NAALADL2: variants seen among roughly 807,000 people sequenced by gnomAD.
NAALADL2 encodes the protein inactive N-acetylated-alpha-linked acidic dipeptidase-like protein 2.
NAALADL2 carries 76 observed loss-of-function variants against 87.2 expected under a neutral mutation model. The ratio of observed to expected loss-of-function variants is 0.87; its 90% CI spans 0.72 to 1.05. The LOEUF (loss-of-function observed/expected upper bound fraction) is 1.05, where lower values mean the gene tolerates loss of function less well. Among genes scored for constraint, NAALADL2 ranks in the 50% least tolerant of loss-of-function variants. NAALADL2 has a pLI of 0.00. For synonymous variants in NAALADL2, 354 were observed against 331.0 expected, an observed-to-expected ratio of 1.07 and a Z score of -0.75; for missense variants, 1,089 against 945.8, an observed-to-expected ratio of 1.15 and a Z score of -1.99.
intron 2 of NAALADL2, among the ~76,000 whole-genome samples, chr3:175,164,947 TTTG>T (rs1347572903): frequency 6.6e-6 from 1 of 152,126 alleles, no homozygotes; most frequent in Admixed American, 6.6e-5. Context: ...GCCCCATATC[TTTG>T]AATGGAACTA....
At chr3:174,994,564 T>C (rs1747176716) in intron 1 of NAALADL2, among the ~76,000 whole-genome samples, 1 of 152,224 alleles carries the variant, frequency 6.6e-6, no homozygotes, top group Admixed American at 6.5e-5. Context: ...TAGCATTGTA[T>C]GTCTTGTTGC....
intron 2 of NAALADL2, among the ~76,000 whole-genome samples, chr3:175,115,983 A>G (rs530528166): frequency 6.6e-6 from 1 of 151,958 alleles, no homozygotes; most frequent in African/African-American, 2.4e-5. Context: ...AAAGACAAAA[A>G]CCACATGTTT....
At chr3:174,786,904 A>G (rs1014987554) in intron 3 of NAALADL2, among the ~76,000 whole-genome samples, 4 of 152,148 alleles carry the variant, frequency 2.6e-5, no homozygotes, top group African/African-American at 9.7e-5. Context: ...ATATTCTGAT[A>G]TGAAGTTAGA....
intron 9 of NAALADL2, among the ~76,000 whole-genome samples, chr3:175,567,202 T>C: frequency 6.6e-6 from 1 of 152,110 alleles, no homozygotes; most frequent in South Asian, 2.1e-4. Flanking sequence ...AAGTCTTAAG[T>C]GGAGAGAGAA....
rs181943843 is a variant in NAALADL2, at chr3:175,404,376, A to C, written c.1091-42853A>C. Among the ~76,000 whole-genome samples, 523 of 152,224 alleles carry C rather than the reference A, an allele frequency of 3.4e-3. 3 individuals carry two copies. The highest frequency in any genetic ancestry group is 0.012 in the African/African-American group (502 of 41,552). ...ACAGAATATAATAATTTGCTAATGA[A>C]AGTGCCCTATAATCACCAAATAACT... is the stretch of plus-strand genomic sequence containing the variant. On this transcript the variant is annotated intron_variant, in intron 5 of 13. Coordinates refer to ENST00000454872, the MANE Select transcript of NAALADL2 (RefSeq NM_207015.3).
chr3:174,962,252 T>A (rs958926646), intron 1 of NAALADL2, among the ~76,000 whole-genome samples: 1 of 151,058 alleles, frequency 6.6e-6, no homozygotes, highest in African/African-American at 2.4e-5. Context: ...CTATCCTGAA[T>A]CAGAACCACC....
chr3:175,487,388 T>C (rs1727441684), intron 9 of NAALADL2: 1 of 395,526 alleles, frequency 2.5e-6, no homozygotes, highest in Non-Finnish European at 5.0e-6. Flanking sequence ...TTTTGTACTC[T>C]GATGTATTCC....
Position 174,618,957 on chromosome 3 carries a change from C to G in NAALADL2, c.-115+68320C>G, listed in dbSNP as rs796302541. On this transcript the variant is annotated intron_variant, in intron 2 of 3. Coordinates refer to the NAALADL2 transcript ENST00000434257. ...TTTGAGGCTAAAATAGGTACATGAA[C>G]CTTTCAATGGTTGTGACAGAAAGTT... is the stretch of plus-strand genomic sequence containing the variant. Among the ~76,000 whole-genome samples, 14 of 151,938 alleles carry G rather than the reference C, an allele frequency of 9.2e-5. No homozygotes were observed. The East Asian group carries it at 1.9e-3, about 21-fold the overall frequency.
At chr3:175,324,586 T>C (rs546869471) in intron 5 of NAALADL2, among the ~76,000 whole-genome samples, 2 of 152,218 alleles carry the variant, frequency 1.3e-5, no homozygotes, top group Non-Finnish European at 1.5e-5. Flanking sequence ...TTTTATGTGT[T>C]ATTGTTGATT....
chr3:174,966,305 G>A (rs981061507), intron 1 of NAALADL2, among the ~76,000 whole-genome samples: 6 of 152,042 alleles, frequency 3.9e-5, no homozygotes, highest in African/African-American at 1.4e-4. Context: ...CCCCAATGAT[G>A]GCAAACCACA....
intron 1 of NAALADL2, chr3:174,864,195 T>C (rs1726857913): frequency 2.8e-6 from 1 of 362,812 alleles, no homozygotes; most frequent in South Asian, 2.0e-5. Flanking sequence ...CAAAAGAGAT[T>C]AGGAAAACAA....
chr3:174,917,262 C>T (rs1351932817), intron 1 of NAALADL2, among the ~76,000 whole-genome samples: 1 of 152,072 alleles, frequency 6.6e-6, no homozygotes, highest in African/African-American at 2.4e-5. Context: ...CTTAACTGAT[C>T]ATGAATTTGT....
chr3:175,192,895 A>AT (rs1280169547), intron 2 of NAALADL2, among the ~76,000 whole-genome samples: 5 of 152,090 alleles, frequency 3.3e-5, no homozygotes, highest in East Asian at 1.9e-4. Flanking sequence ...CCACAATATG[A>AT]TAAAAAAAAC....
intron 3 of NAALADL2, among the ~76,000 whole-genome samples, chr3:175,255,124 TAG>T (rs1749701758): frequency 6.6e-6 from 1 of 151,076 alleles, no homozygotes; most frequent in Admixed American, 6.6e-5. Flanking sequence ...GGAGCCAAAG[TAG>T]AGAGAGGCCA....
In NAALADL2 at chr3:174,610,045, G is replaced by C. The variant is rs576044243; in HGVS notation, c.-115+59408G>C. Among the ~76,000 whole-genome samples the C allele has an allele frequency of 6.6e-5, 10 of 152,028 alleles. 1 individual carries two copies. In the East Asian group the frequency reaches 1.6e-3, roughly 24 times the overall value. On this transcript the variant is annotated intron_variant, in intron 2 of 3. Transcript: ENST00000434257. ...ACTATCTGATCTTTGACAAACCTGA[G>C]AAAAACAAGCAATGGGGAAAGGATT...
intron 2 of NAALADL2, among the ~76,000 whole-genome samples, chr3:175,221,923 C>T (rs1743436123): frequency 6.6e-6 from 1 of 152,024 alleles, no homozygotes; most frequent in Non-Finnish European, 1.5e-5. Context: ...TACTGGTGCT[C>T]ACCACCACAC....
intron 2 of NAALADL2, among the ~76,000 whole-genome samples, chr3:174,571,564 A>G (rs555252674): frequency 2.0e-4 from 30 of 152,084 alleles, no homozygotes; most frequent in Non-Finnish European, 3.5e-4. Context: ...TTTTTAGTAG[A>G]GACGAGGTTT....
At chr3:175,100,060 A>G in intron 2 of NAALADL2, among the ~76,000 whole-genome samples, 1 of 151,496 alleles carries the variant, frequency 6.6e-6, no homozygotes, top group East Asian at 1.9e-4. Context: ...TTATATAATT[A>G]TATTATGATT....
At chr3:175,349,346 G>A (rs1050922140) in intron 5 of NAALADL2, among the ~76,000 whole-genome samples, 3 of 152,096 alleles carry the variant, frequency 2.0e-5, no homozygotes, top group Non-Finnish European at 2.9e-5. Flanking sequence ...CAGGGGAGGT[G>A]CATGTACCAA....
Sources: allele counts gnomAD v4.1 joint callset (sites outside exome capture counted in the v4.1 genomes callset), GRCh38; gene constraint gnomAD v4.1.1; transcripts MANE v1.5; gene names NCBI Gene and HGNC (gene_info 2026-07-23, HGNC 2026-07-21).